The following ACOT11 variants were observed in gnomAD, a reference collection of about 807,000 sequenced individuals.
The protein encoded by ACOT11 is acyl-coenzyme A thioesterase 11.
Under a neutral mutation model 77.5 loss-of-function variants are expected in ACOT11, and 69 were observed. The ratio of observed to expected loss-of-function variants is 0.89; its 90% CI spans 0.73 to 1.09. The LOEUF (loss-of-function observed/expected upper bound fraction) is 1.09, where lower values mean the gene tolerates loss of function less well. Ranked by LOEUF, ACOT11 falls within the 50% of genes least tolerant of loss-of-function variation. The pLI, the probability that ACOT11 is intolerant of heterozygous loss-of-function variation, is 0.00. For synonymous variants in ACOT11, 279 were observed against 313.0 expected, an observed-to-expected ratio of 0.89 and a Z score of 1.15; for missense variants, 766 against 813.7, an observed-to-expected ratio of 0.94 and a Z score of 0.71.
intron 3 of ACOT11, among the ~76,000 whole-genome samples, chr1:54,590,313 G>A (rs1654662116): frequency 6.6e-6 from 1 of 151,550 alleles, no homozygotes. Context: ...GTCTCGATGG[G>A]GGTCAGATTT....
In ACOT11 at chr1:54,605,133, G is replaced by A; in HGVS notation, c.1294G>A (p.Val432Met). 2 of 1,613,984 alleles carry A rather than the reference G, an allele frequency of 1.2e-6. No homozygotes were observed. The highest frequency in any genetic ancestry group is 8.5e-7 in the Non-Finnish European group (1 of 1,180,030). The change falls in exon 13 of 16, where the codon GTG (valine) becomes ATG (methionine). Residue 432 changes from valine (V) to methionine (M), a missense_variant. Transcript: ENST00000343744. The stretch of plus-strand genomic sequence containing the variant: ...CCTCTCCTTCCACATGGAGATGGTG[G>A]TGCATGTGGATGCAGCCCAGGCCTT... ...KFLSFHMEMV[V>M]HVDAAQAFLL...
chr1:54,556,907 CTTTA>C (rs553269402), intron 1 of ACOT11, among the ~76,000 whole-genome samples: 114 of 151,850 alleles, frequency 7.5e-4, no homozygotes, highest in African/African-American at 2.7e-3. Context: ...CTTTCATCTC[CTTTA>C]TTTATTTTTT....
At chr1:54,594,791 G>T (rs1247801733) in intron 6 of ACOT11, 100 bp downstream of exon 6, 9 of 1,488,780 alleles carry the variant, frequency 6.0e-6, no homozygotes, top group Non-Finnish European at 8.1e-6. Flanking sequence ...GGAGGCTCCG[G>T]GGACTTCCAC....
At chr1:54,625,888 G>A (rs865854152) in intron 15 of ACOT11, among the ~76,000 whole-genome samples, 12 of 147,730 alleles carry the variant, frequency 8.1e-5, no homozygotes, top group Non-Finnish European at 1.2e-4. Context: ...GCGGTGAGCC[G>A]AGATTGTGCC....
At chr1:54,637,817 A>C (rs549764549) in exon 17 of ACOT11, 2 of 152,112 alleles carry the variant, frequency 1.3e-5, no homozygotes, top group African/African-American at 4.8e-5. Flanking sequence ...GCAACTCATC[A>C]GAGTTGCACA....
chr1:54,554,333 G>GTGTGTGTGTA (rs1324068229), intron 1 of ACOT11, among the ~76,000 whole-genome samples: 2 of 96,376 alleles, frequency 2.1e-5, no homozygotes, highest in African/African-American at 8.3e-5. Context: ...GTGTGTGTGT[G>GTGTGTGTGTA]TATATATATA....
intron 15 of ACOT11, chr1:54,623,575 C>T: frequency 1.7e-6 from 1 of 592,708 alleles, no homozygotes; most frequent in Admixed American, 3.0e-5. Flanking sequence ...CCCCTCCTCC[C>T]TCCCCGCCCC....
At chr1:54,610,614 G>A (rs1473041930), downstream of ACOT11, 1 of 1,577,304 alleles carries the variant, frequency 6.3e-7, no homozygotes, top group South Asian at 1.2e-5. Flanking sequence ...ACCTTACCTG[G>A]TTGCTAGGGT....
rs747625844 is a variant in ACOT11, at chr1:54,609,017, G to A, written c.1690G>A (p.Gly564Ser). The change falls in exon 16 of 16, where the codon GGC becomes AGC. Residue 564 changes from glycine to serine, a missense_variant. By Grantham distance (56) the Gly-to-Ser change is moderately conservative (BLOSUM62 0). Transcript: ENST00000343744. ...VLNYVTTNVA[G>S]LSSEFYTTFK... ...CAACTATGTGACCACCAACGTGGCC[G>A]GCCTCTCCTCTGAGTTCTACACCAC... 2.0e-5 allele frequency: 33 copies of A among 1,610,348 alleles called. No individual in the cohort carries two copies. The highest frequency in any genetic ancestry group is 1.7e-4 in the Middle Eastern group (1 of 6,056).
At chr1:54,615,521 G>A (rs192411950) in intron 15 of ACOT11, among the ~76,000 whole-genome samples, 1 of 152,272 alleles carries the variant, frequency 6.6e-6, no homozygotes, top group Non-Finnish European at 1.5e-5. Context: ...GGAAGCCAGT[G>A]AGGAGGGAGG....
At chr1:54,565,857 G>A (rs1236747648) in intron 1 of ACOT11, among the ~76,000 whole-genome samples, 1 of 152,152 alleles carries the variant, frequency 6.6e-6, no homozygotes, top group South Asian at 2.1e-4. Flanking sequence ...CTGCTACCTT[G>A]TTTCTTTGCT....
intron 15 of ACOT11, among the ~76,000 whole-genome samples, chr1:54,616,587 C>G (rs540975843): frequency 2.0e-5 from 3 of 151,980 alleles, no homozygotes; most frequent in Admixed American, 6.6e-5. Context: ...GGCCAGGCTG[C>G]TCTCAGAACT....
intron 9 of ACOT11, among the ~76,000 whole-genome samples, 190 bp downstream of exon 9, chr1:54,601,603 G>C (rs567051062): frequency 6.6e-6 from 1 of 152,228 alleles, no homozygotes; most frequent in Non-Finnish European, 1.5e-5. Flanking sequence ...GGGCGGGCTT[G>C]TTCTGCCTGA....
chr1:54,608,207 TGA>T, intron 15 of ACOT11, 139 bp downstream of exon 15: 1 of 773,070 alleles, frequency 1.3e-6, no homozygotes, highest in Non-Finnish European at 2.0e-6. Flanking sequence ...TGGGGGAGCC[TGA>T]GAGTGTCAGG....
chr1:54,588,347 CT>C (rs1654579970), intron 3 of ACOT11, among the ~76,000 whole-genome samples: 1 of 152,080 alleles, frequency 6.6e-6, no homozygotes, highest in Non-Finnish European at 1.5e-5. Context: ...ATTTTGATGC[CT>C]TTTTAATTAC....
At chr1:54,616,158 G>C (rs889764954) in intron 15 of ACOT11, 2 of 1,614,050 alleles carry the variant, frequency 1.2e-6, no homozygotes, top group Non-Finnish European at 1.7e-6. Context: ...TCAGCCTCCA[G>C]GACTGTGATG....
intron 13 of ACOT11, among the ~76,000 whole-genome samples, chr1:54,606,780 G>A (rs112868807): frequency 0.024 from 3,584 of 152,316 alleles, 148 homozygotes; most frequent in African/African-American, 0.082. Flanking sequence ...CTGCACCTGC[G>A]CAGACATGTA....
rs113421099 is a variant in ACOT11, at chr1:54,622,931, T to C, written c.1630-7803T>C. On this transcript the variant is annotated intron_variant, in intron 15 of 16. Transcript: ENST00000371316. ...GACTCACACCTGTAATCCCAGCACTTTGAGAGGCTGAGGCAGGTGGATCAC... is the reference window on the plus strand; with the variant it reads ...GACTCACACCTGTAATCCCAGCACTCTGAGAGGCTGAGGCAGGTGGATCAC... Among the ~76,000 whole-genome samples, 600 of 151,980 alleles carry C rather than the reference T, an allele frequency of 3.9e-3. 2 individuals are homozygous for C. The highest frequency in any genetic ancestry group is 0.014 in the African/African-American group (566 of 41,470).
chr1:54,578,657 T>C (rs1237131755), intron 1 of ACOT11, among the ~76,000 whole-genome samples: 1 of 151,852 alleles, frequency 6.6e-6, no homozygotes, highest in African/African-American at 2.4e-5. Context: ...ATTTTATTTT[T>C]ATTATGACCT....
Sources: allele counts gnomAD v4.1 joint callset (sites outside exome capture counted in the v4.1 genomes callset), GRCh38; gene constraint gnomAD v4.1.1; transcripts MANE v1.5; gene names NCBI Gene and HGNC (gene_info 2026-07-23, HGNC 2026-07-21).